The following EML4 variants were observed in gnomAD, a reference collection of about 807,000 sequenced individuals.
EML4 encodes EMAP like 4.
Under a neutral mutation model 129.0 loss-of-function variants are expected in EML4, and 72 were observed. That is an observed-to-expected ratio of 0.56 (90% confidence interval 0.46 to 0.68). EML4 has a LOEUF of 0.68. EML4 is among the 30% of genes least tolerant of loss of function. The probability of loss-of-function intolerance (pLI) is 0.00; values close to 1 mark genes in which losing one functional copy is unlikely to be tolerated. For missense variants in EML4, 1,363 were observed against 1,190.6 expected, an observed-to-expected ratio of 1.14 and a Z score of -2.13; for synonymous variants, 532 against 405.0, an observed-to-expected ratio of 1.31 and a Z score of -3.77.
At chr2:42,303,289 T>G (rs765793079) in intron 15 of EML4, 26 bp from the exon 16 acceptor site, 20 of 1,613,972 alleles carry the variant, frequency 1.2e-5, no homozygotes, top group Non-Finnish European at 1.7e-5. Context: ...TTGGTTCTTA[T>G]AACAATGAGT....
At position 42,199,315 on chromosome 2, in the gene EML4, C is replaced by T. The variant is rs146310511; in HGVS notation, c.25+29679C>T. On this transcript the variant is annotated intron_variant, in intron 1 of 22. Transcript: ENST00000318522. ...AGGAGGAGAGCAGCTAGGATGTTCACGTGGATTGGAATTTGCCCAGGCTAA... is the reference window on the plus strand; with the variant it reads ...AGGAGGAGAGCAGCTAGGATGTTCATGTGGATTGGAATTTGCCCAGGCTAA... 2.9e-4 allele frequency among the ~76,000 whole-genome samples: 44 copies of T among 152,180 alleles called. 1 individual carries two copies. Among genetic ancestry groups the T allele is most frequent in the African/African-American group, 9.6e-4 (40 of 41,508 alleles).
At chr2:42,237,721 A>G (rs1426340614) in intron 1 of EML4, among the ~76,000 whole-genome samples, 1 of 152,354 alleles carries the variant, frequency 6.6e-6, no homozygotes, top group East Asian at 1.9e-4. Flanking sequence ...TAATAAAGTA[A>G]GCTAGAGTAA....
intron 1 of EML4, among the ~76,000 whole-genome samples, chr2:42,242,868 A>C (rs934348068): frequency 1.3e-5 from 2 of 151,572 alleles, no homozygotes; most frequent in Admixed American, 6.6e-5. Context: ...CCCATCTTTG[A>C]CTGGGTTTAA....
chr2:42,284,192 G>A (rs559203025), intron 8 of EML4, among the ~76,000 whole-genome samples: 2 of 152,244 alleles, frequency 1.3e-5, no homozygotes, highest in East Asian at 3.9e-4. Context: ...AGTAAGAAAT[G>A]GCCTAAAAGA....
At position 42,183,280 on chromosome 2, in the gene EML4, G is replaced by C. The variant is rs958671453; in HGVS notation, c.25+13644G>C. Among the ~76,000 whole-genome samples the C allele has an allele frequency of 2.6e-5, 4 of 152,304 alleles. No homozygotes were observed. The South Asian group carries it at 6.2e-4, about 24-fold the overall frequency. On this transcript the variant is annotated intron_variant, in intron 1 of 22. Coordinates refer to ENST00000318522, the MANE Select transcript of EML4 (RefSeq NM_019063.5). ...ACAAAACAAAAATCCCTGCTCTCAT[G>C]AAGCTTGTATTATCATGAGGGGAGA... is the stretch of plus-strand genomic sequence containing the variant.
intron 1 of EML4, among the ~76,000 whole-genome samples, chr2:42,203,569 G>A (rs193290445): frequency 6.6e-6 from 1 of 151,660 alleles, no homozygotes; most frequent in Non-Finnish European, 1.5e-5. Context: ...ATACAAGATG[G>A]CTAGTCTGGA....
intron 3 of EML4, among the ~76,000 whole-genome samples, chr2:42,260,849 C>T (rs1244724689): frequency 3.3e-5 from 5 of 152,144 alleles, no homozygotes; most frequent in Non-Finnish European, 4.4e-5. Flanking sequence ...CAAAATCTGC[C>T]AAGATGGCAA....
rs951988722 is a variant in EML4, at chr2:42,206,307, G to T, written c.25+36671G>T. Among the ~76,000 whole-genome samples, 69 of 152,212 alleles carry T rather than the reference G, an allele frequency of 4.5e-4. 1 individual carries two copies. The highest frequency in any genetic ancestry group is 1.6e-3 in the African/African-American group (67 of 41,544). ...TAGCTTAGTATAGCCTCACATTCCTGGGCTCAAGTGATCCTCCCACCTCAG... is the reference window on the plus strand; with the variant it reads ...TAGCTTAGTATAGCCTCACATTCCTTGGCTCAAGTGATCCTCCCACCTCAG... On this transcript the variant is annotated intron_variant, in intron 1 of 22. Coordinates refer to ENST00000318522, the MANE Select transcript of EML4 (RefSeq NM_019063.5).
intron 2 of EML4, among the ~76,000 whole-genome samples, chr2:42,246,424 A>T (rs1171111189): frequency 1.3e-5 from 2 of 152,246 alleles, no homozygotes; most frequent in African/African-American, 4.8e-5. Context: ...AAGTGAGGAC[A>T]TTTATTGGCT....
intron 3 of EML4, among the ~76,000 whole-genome samples, chr2:42,257,992 C>T (rs761297680): frequency 2.0e-5 from 3 of 152,172 alleles, no homozygotes; most frequent in Non-Finnish European, 4.4e-5. Flanking sequence ...AATTTTAGTA[C>T]AATTTTAAAT....
rs368633744 is a variant in EML4 at position 42,194,425 on chromosome 2, T to C, written c.25+24789T>C. On this transcript the variant is annotated intron_variant, in intron 1 of 22. Coordinates refer to ENST00000318522, the MANE Select transcript of EML4 (RefSeq NM_019063.5). The stretch of plus-strand genomic sequence containing the variant: ...GAAACAAATTTTTTGTCAGAAAATA[T>C]TTTGTGAATATTTTCCCCTACATTG... 8.6e-5 allele frequency among the ~76,000 whole-genome samples: 13 copies of C among 151,696 alleles called. No individual in the cohort carries two copies. The South Asian group carries it at 2.1e-3, about 24-fold the overall frequency.
intron 1 of EML4, among the ~76,000 whole-genome samples, chr2:42,215,618 A>G (rs1020851155): frequency 2.0e-4 from 31 of 152,096 alleles, no homozygotes; most frequent in Non-Finnish European, 2.5e-4. Flanking sequence ...ACATTTTGCT[A>G]TACTTGGGTT....
intron 3 of EML4, among the ~76,000 whole-genome samples, chr2:42,257,606 C>T (rs911651288): frequency 6.6e-6 from 1 of 152,044 alleles, no homozygotes; most frequent in Admixed American, 6.6e-5. Flanking sequence ...GAGGCTGAGG[C>T]GGGCGGATCA....
rs74816568 is a variant in EML4, at chr2:42,221,403, C to CTTTTTTTTTTTTTTT, written c.26-24092_26-24078dup. On this transcript the variant is annotated intron_variant, in intron 1 of 22. Transcript: ENST00000318522. Reference sequence around the variant, plus strand: ...AGCACATTGTTTACAACATGGTTTACTTTTTTTTTTTTTTTTTTTTTTTTG... The same window carrying CTTTTTTTTTTTTTTT: ...AGCACATTGTTTACAACATGGTTTACTTTTTTTTTTTTTTTTTTTTTTTTTTTTTTTTTTTTTTTG... Among the ~76,000 whole-genome samples, 32 of 108,258 alleles carry CTTTTTTTTTTTTTTT rather than the reference C, an allele frequency of 3.0e-4. 1 individual carries two copies. The highest frequency in any genetic ancestry group is 7.9e-4 in the African/African-American group (24 of 30,372). 71.0% of individuals were successfully genotyped at this position (108,258 alleles called of 152,430 possible). A position where few individuals can be genotyped will look rare whatever the true frequency, so the allele number is the denominator to read the frequency against.
At chr2:42,207,422 T>C (rs959785556) in intron 1 of EML4, among the ~76,000 whole-genome samples, 8 of 152,234 alleles carry the variant, frequency 5.3e-5, no homozygotes, top group Non-Finnish European at 1.2e-4. Context: ...ACCTAGGACC[T>C]TATACCTTTT....
At chr2:42,294,989 A>G in intron 11 of EML4, 136 bp from the exon 12 acceptor site, 1 of 723,118 alleles carries the variant, frequency 1.4e-6, no homozygotes. Context: ...AAAATTTTTC[A>G]GGAAAATTGT....
intron 1 of EML4, among the ~76,000 whole-genome samples, chr2:42,183,989 G>A (rs1041115380): frequency 2.0e-5 from 3 of 151,994 alleles, no homozygotes; most frequent in African/African-American, 2.4e-5. Flanking sequence ...CTTTCTTTCC[G>A]GACTTTAACA....
At chr2:42,283,081 A>G (rs991915369) in intron 8 of EML4, 109 bp downstream of exon 8, 7 of 1,068,566 alleles carry the variant, frequency 6.6e-6, no homozygotes, top group African/African-American at 6.5e-5. Flanking sequence ...CTCAGAATGT[A>G]AAAATATTAT....
At chr2:42,320,324 A>G (rs572964327) in intron 19 of EML4, among the ~76,000 whole-genome samples, 1 of 142,010 alleles carries the variant, frequency 7.0e-6, no homozygotes, top group East Asian at 2.0e-4. Flanking sequence ...CCCTGTCTGT[A>G]TTTTAAAAAA....
Sources: gnomAD v4.1 joint callset for allele counts (sites outside exome capture counted in the v4.1 genomes callset) on GRCh38, gnomAD v4.1.1 for gene constraint, MANE v1.5 for transcripts, NCBI Gene and HGNC (gene_info 2026-07-23, HGNC 2026-07-21) for gene names.